CPQ: variants seen among roughly 807,000 people sequenced by gnomAD.
CPQ encodes Ser-Met dipeptidase.
Under a neutral mutation model 45.7 loss-of-function variants are expected in CPQ, and 37 were observed. That is an observed-to-expected ratio of 0.81 (90% CI 0.62 to 1.07). The LOEUF is 1.07. CPQ is among the 50% of genes least tolerant of loss of function. CPQ has a pLI of 0.00. For synonymous variants in CPQ, 186 were observed against 205.8 expected, an observed-to-expected ratio of 0.90 and a Z score of 0.82; for missense variants, 537 against 572.9, an observed-to-expected ratio of 0.94 and a Z score of 0.64.
At chr8:97,135,808 T>C (rs919703449) in intron 7 of CPQ, among the ~76,000 whole-genome samples, 4 of 152,348 alleles carry the variant, frequency 2.6e-5, no homozygotes, top group Admixed American at 2.6e-4. Flanking sequence ...AGCCAGTATA[T>C]GCACTAAAAT....
chr8:97,047,274 T>C (rs539121784), intron 6 of CPQ, among the ~76,000 whole-genome samples: 4 of 152,302 alleles, frequency 2.6e-5, no homozygotes, highest in East Asian at 3.9e-4. Context: ...GCCCATAAGG[T>C]GCAGAGCCTG....
At chr8:96,669,235 C>T (rs1229311927) in intron 1 of CPQ, among the ~76,000 whole-genome samples, 1 of 152,238 alleles carries the variant, frequency 6.6e-6, no homozygotes, top group East Asian at 1.9e-4. Flanking sequence ...CTCTCCCTTG[C>T]CCTGCTGGCA....
chr8:96,929,019 A>T (rs373278738), intron 4 of CPQ, among the ~76,000 whole-genome samples: 36 of 152,306 alleles, frequency 2.4e-4, no homozygotes, highest in African/African-American at 8.4e-4. Flanking sequence ...CAATGAGAGG[A>T]TCCTCTCCCC....
At chr8:96,696,478 A>G (rs1260089914) in intron 1 of CPQ, among the ~76,000 whole-genome samples, 1 of 152,040 alleles carries the variant, frequency 6.6e-6, no homozygotes, top group Non-Finnish European at 1.5e-5. Context: ...GAAAAGCAAG[A>G]GCAAACTGAA....
intron 7 of CPQ, among the ~76,000 whole-genome samples, chr8:97,099,107 T>TTCTC (rs1449236685): frequency 2.9e-5 from 4 of 138,772 alleles, no homozygotes; most frequent in Non-Finnish European, 1.5e-5. Context: ...CAAAACTCCC[T>TTCTC]TCTCTCTCTT....
chr8:97,041,915 A>G (rs1305406608), intron 6 of CPQ, among the ~76,000 whole-genome samples: 2 of 152,230 alleles, frequency 1.3e-5, no homozygotes, highest in Admixed American at 6.5e-5. Context: ...TTTTGCATCA[A>G]TGTTCATCAA....
intron 3 of CPQ, among the ~76,000 whole-genome samples, chr8:96,852,191 C>A (rs1563513046): frequency 1.3e-5 from 2 of 152,222 alleles, no homozygotes; most frequent in Admixed American, 6.5e-5. Flanking sequence ...CTCCACTTGC[C>A]CTTGCCTGTT....
intron 6 of CPQ, among the ~76,000 whole-genome samples, chr8:97,042,729 T>G (rs1810152573): frequency 6.6e-6 from 1 of 151,666 alleles, no homozygotes; most frequent in African/African-American, 2.4e-5. Flanking sequence ...ATTTCTGCCT[T>G]CATTTCGTTA....
At chr8:96,831,094 A>G (rs1322735701) in intron 2 of CPQ, among the ~76,000 whole-genome samples, 1 of 152,174 alleles carries the variant, frequency 6.6e-6, no homozygotes, top group Non-Finnish European at 1.5e-5. Flanking sequence ...TATTACTGTT[A>G]TTATCATCAT....
At chr8:96,774,261 ACTC>A in intron 1 of CPQ, among the ~76,000 whole-genome samples, 1 of 151,112 alleles carries the variant, frequency 6.6e-6, no homozygotes, top group Non-Finnish European at 1.5e-5. Flanking sequence ...ACAGAGCGAG[ACTC>A]AGTCTCAAAA....
At chr8:96,999,818 T>C (rs1314041151) in intron 5 of CPQ, among the ~76,000 whole-genome samples, 1 of 152,080 alleles carries the variant, frequency 6.6e-6, no homozygotes, top group Non-Finnish European at 1.5e-5. Context: ...TGCCATGCTG[T>C]CTTCCACAAT....
intron 1 of CPQ, among the ~76,000 whole-genome samples, chr8:96,661,282 T>C (rs1159045228): frequency 6.6e-6 from 1 of 152,156 alleles, no homozygotes; most frequent in Non-Finnish European, 1.5e-5. Context: ...GCCCCTCACA[T>C]GTGCATTCCC....
chr8:96,737,572 T>C (rs1283573384), intron 1 of CPQ, among the ~76,000 whole-genome samples: 1 of 152,004 alleles, frequency 6.6e-6, no homozygotes, highest in Non-Finnish European at 1.5e-5. Flanking sequence ...TTCTGCCTGC[T>C]TTATATTTGC....
chr8:97,080,815 A>C (rs935305988), intron 7 of CPQ, among the ~76,000 whole-genome samples: 1 of 152,114 alleles, frequency 6.6e-6, no homozygotes, highest in African/African-American at 2.4e-5. Context: ...GCTCTGTGAA[A>C]TCTATTAGTT....
chr8:96,854,594 A>G (rs529373570), intron 3 of CPQ, among the ~76,000 whole-genome samples: 2 of 149,692 alleles, frequency 1.3e-5, no homozygotes, highest in Non-Finnish European at 3.0e-5. Flanking sequence ...AAAGTGTAAC[A>G]TGAAAGGAAA....
intron 4 of CPQ, among the ~76,000 whole-genome samples, chr8:96,898,177 T>A (rs1812468181): frequency 6.6e-6 from 1 of 152,110 alleles, no homozygotes; most frequent in Non-Finnish European, 1.5e-5. Context: ...GAGCGATAGA[T>A]GAGATTGGGG....
chr8:96,978,634 C>T lies in CPQ; in HGVS notation c.961+12588C>T, dbSNP rs75458908. Reference sequence around the variant, plus strand: ...TCTACAGCATGCTTAGCTTCCTCCCCGATGTATGCTTTGATTTGGCCTTAG... The same window carrying T: ...TCTACAGCATGCTTAGCTTCCTCCCTGATGTATGCTTTGATTTGGCCTTAG... On this transcript the variant is annotated intron_variant, in intron 5 of 7. Coordinates refer to ENST00000220763, the MANE Select transcript of CPQ (RefSeq NM_016134.4). 1.1e-4 allele frequency among the ~76,000 whole-genome samples: 16 copies of T among 152,236 alleles called. No homozygotes were observed. The East Asian group carries it at 1.2e-3, about 11-fold the overall frequency.
intron 6 of CPQ, chr8:97,055,397 C>G (rs1810436993): frequency 6.6e-6 from 1 of 152,172 alleles, no homozygotes; most frequent in South Asian, 2.1e-4. Context: ...ACTTTTTCAG[C>G]CTTTTGAGGT....
At chr8:97,139,099 C>G (rs548686886) in intron 7 of CPQ, among the ~76,000 whole-genome samples, 46 of 152,248 alleles carry the variant, frequency 3.0e-4, no homozygotes, top group Admixed American at 5.9e-4. Flanking sequence ...CAGGGTAATA[C>G]TCTGCAAAAA....
Sources: allele counts gnomAD v4.1 joint callset (sites outside exome capture counted in the v4.1 genomes callset), GRCh38; gene constraint gnomAD v4.1.1; transcripts MANE v1.5; gene names NCBI Gene and HGNC (gene_info 2026-07-23, HGNC 2026-07-21).